Variants in TAFA2 observed in about 807,000 individuals in gnomAD.
TAFA2 encodes TAFA chemokine like family member 2.
Under a neutral mutation model 18.8 loss-of-function variants are expected in TAFA2, and 7 were observed. The observed-to-expected ratio is 0.37, with a 90% CI of 0.21 to 0.70. The LOEUF (loss-of-function observed/expected upper bound fraction) is 0.70. TAFA2 is among the 30% of genes least tolerant of loss of function. The pLI is 0.53. For missense variants in TAFA2, 122 were observed against 158.1 expected, an observed-to-expected ratio of 0.77 and a Z score of 1.23; for synonymous variants, 60 against 54.2, an observed-to-expected ratio of 1.11 and a Z score of -0.47.
intron 1 of TAFA2, among the ~76,000 whole-genome samples, chr12:61,996,612 T>C (rs1357667095): frequency 6.6e-6 from 1 of 152,130 alleles, no homozygotes. Context: ...GTTTGATCAG[T>C]GGGACTGAGT....
chr12:62,199,939 A>G (rs2062664217), intron 1 of TAFA2, among the ~76,000 whole-genome samples: 2 of 151,968 alleles, frequency 1.3e-5, no homozygotes, highest in African/African-American at 4.8e-5. Flanking sequence ...TTTTTAATAA[A>G]CACTATTCTG....
intron 1 of TAFA2, among the ~76,000 whole-genome samples, chr12:61,908,634 T>C (rs546585272): frequency 2.0e-5 from 3 of 152,288 alleles, no homozygotes; most frequent in South Asian, 4.2e-4. Flanking sequence ...AACCTAGTGA[T>C]ATGCAGTGCT....
chr12:62,209,033 C>A (rs2062703311), intron 1 of TAFA2, among the ~76,000 whole-genome samples: 1 of 152,186 alleles, frequency 6.6e-6, no homozygotes, highest in Non-Finnish European at 1.5e-5. Flanking sequence ...CTCTGAATTT[C>A]TTTTTGCCCT....
At chr12:62,013,022 G>A (rs563501289) in intron 1 of TAFA2, among the ~76,000 whole-genome samples, 1 of 152,206 alleles carries the variant, frequency 6.6e-6, no homozygotes, top group South Asian at 2.1e-4. Context: ...ATAGTCCCAT[G>A]TTTAAAGCAC....
At chr12:62,024,395 A>C (rs1881247881) in intron 1 of TAFA2, among the ~76,000 whole-genome samples, 1 of 152,098 alleles carries the variant, frequency 6.6e-6, no homozygotes, top group Non-Finnish European at 1.5e-5. Flanking sequence ...ATAATGTCCA[A>C]AATGCCTATT....
chr12:61,967,745 A>C (rs1404703538), intron 1 of TAFA2, among the ~76,000 whole-genome samples: 1 of 151,890 alleles, frequency 6.6e-6, no homozygotes, highest in African/African-American at 2.4e-5. Flanking sequence ...AAAGGAAATC[A>C]GAATAAAACA....
chr12:62,173,279 C>A (rs1253814272), intron 1 of TAFA2, among the ~76,000 whole-genome samples: 2 of 151,882 alleles, frequency 1.3e-5, no homozygotes, highest in African/African-American at 4.8e-5. Context: ...AGCTGCACGT[C>A]GTGCGCGCCT....
chr12:62,098,646 T>A (rs773471175), intron 1 of TAFA2, among the ~76,000 whole-genome samples: 5 of 152,154 alleles, frequency 3.3e-5, no homozygotes, highest in Non-Finnish European at 7.4e-5. Context: ...TAATTCTCTT[T>A]TTGTTAAGCT....
chr12:61,740,845 C>G (rs541867012), intron 4 of TAFA2, among the ~76,000 whole-genome samples: 1 of 137,146 alleles, frequency 7.3e-6, no homozygotes, highest in South Asian at 2.4e-4. Context: ...GCCAACATTG[C>G]TACTTAATAG....
intron 1 of TAFA2, among the ~76,000 whole-genome samples, chr12:62,066,852 A>G (rs1245302373): frequency 6.6e-6 from 1 of 151,998 alleles, no homozygotes; most frequent in Non-Finnish European, 1.5e-5. Context: ...GCTGGCTTAT[A>G]TGTTAGCTCT....
chr12:61,825,897 C>A (rs924263179), intron 2 of TAFA2, among the ~76,000 whole-genome samples: 1 of 151,868 alleles, frequency 6.6e-6, no homozygotes, highest in South Asian at 2.1e-4. Flanking sequence ...ACCTCCTATC[C>A]CTATTTAAGT....
intron 1 of TAFA2, among the ~76,000 whole-genome samples, chr12:61,930,897 A>G (rs567033212): frequency 6.6e-6 from 1 of 152,352 alleles, no homozygotes; most frequent in East Asian, 1.9e-4. Context: ...CTTGATGTTA[A>G]ATCCTAAGAG....
At chr12:61,923,583 G>A (rs1451491701) in intron 1 of TAFA2, among the ~76,000 whole-genome samples, 1 of 152,034 alleles carries the variant, frequency 6.6e-6, no homozygotes, top group African/African-American at 2.4e-5. Context: ...CCATCTGAAG[G>A]TCACCAACAT....
intron 2 of TAFA2, among the ~76,000 whole-genome samples, chr12:61,832,341 C>T (rs575366611): frequency 2.6e-5 from 4 of 152,140 alleles, no homozygotes; most frequent in African/African-American, 9.6e-5. Context: ...TTGTGGTGAA[C>T]CCAAGCCAGA....
intron 1 of TAFA2, among the ~76,000 whole-genome samples, chr12:61,885,158 C>T (rs949025876): frequency 6.6e-6 from 1 of 152,162 alleles, no homozygotes; most frequent in Non-Finnish European, 1.5e-5. Context: ...GATGAAGTGA[C>T]TTGCTCAGTC....
At chr12:61,890,982 A>G (rs1875606230) in intron 1 of TAFA2, among the ~76,000 whole-genome samples, 1 of 152,238 alleles carries the variant, frequency 6.6e-6, no homozygotes, top group Non-Finnish European at 1.5e-5. Context: ...ATAGTAGCAC[A>G]GATCTGTTTT....
intron 1 of TAFA2, among the ~76,000 whole-genome samples, chr12:62,244,665 G>C (rs1012868197): frequency 6.6e-6 from 1 of 151,968 alleles, no homozygotes; most frequent in Non-Finnish European, 1.5e-5. Flanking sequence ...CCCCAAAGTA[G>C]TTTTTTTCTA....
intron 1 of TAFA2, among the ~76,000 whole-genome samples, chr12:61,950,334 C>T (rs988923206): frequency 6.6e-6 from 1 of 152,098 alleles, no homozygotes; most frequent in Admixed American, 6.6e-5. Context: ...TTTGGAGGAA[C>T]CTCCATACTA....
At chr12:62,150,981 GT>G (rs1176752425) in intron 1 of TAFA2, among the ~76,000 whole-genome samples, 2 of 148,552 alleles carry the variant, frequency 1.3e-5, no homozygotes, top group Non-Finnish European at 3.0e-5. Flanking sequence ...ACATCCAAGT[GT>G]TGAAGGCCTT....
Sources: gnomAD v4.1 joint callset for allele counts (sites outside exome capture counted in the v4.1 genomes callset) on GRCh38, gnomAD v4.1.1 for gene constraint, MANE v1.5 for transcripts, NCBI Gene and HGNC (gene_info 2026-07-23, HGNC 2026-07-21) for gene names.